WAC: variants seen among roughly 807,000 people sequenced by gnomAD.
The protein encoded by WAC is WW domain-containing adapter protein with coiled-coil.
In WAC, 11 loss-of-function variants were observed where a neutral mutation model predicts 79.6. The ratio of observed to expected loss-of-function variants is 0.14; its 90% CI spans 0.09 to 0.23. WAC has a LOEUF of 0.23. Among genes scored for constraint, WAC ranks in the 10% least tolerant of loss-of-function variants. The pLI, the probability that WAC is intolerant of heterozygous loss-of-function variation, is 1.00. For missense variants in WAC, 728 were observed against 773.5 expected, an observed-to-expected ratio of 0.94 and a Z score of 0.70; for synonymous variants, 304 against 276.9, an observed-to-expected ratio of 1.10 and a Z score of -0.97.
In WAC at chr10:28,537,901, G is replaced by C. The variant is rs149988187; in HGVS notation, c.274+2144G>C. Among the ~76,000 whole-genome samples, 7 of 152,130 alleles carry C rather than the reference G, an allele frequency of 4.6e-5. No individual in the cohort carries two copies. In the East Asian group the frequency reaches 1.2e-3, roughly 25 times the overall value. Reference sequence around the variant, plus strand: ...TTTGCAAGAAACTTGATGTTTTTCTGATCTAATCACTTGCTAAGTTAGGCC... The same window carrying C: ...TTTGCAAGAAACTTGATGTTTTTCTCATCTAATCACTTGCTAAGTTAGGCC... On this transcript the variant is annotated intron_variant, in intron 3 of 13. Transcript: ENST00000354911.
rs751091760 is a variant in WAC at position 28,533,987 on chromosome 10, C to G, written c.42-11C>G. The G allele has an allele frequency of 3.1e-6, 5 of 1,606,204 alleles. No homozygotes were observed. The highest frequency in any genetic ancestry group is 3.4e-6 in the Non-Finnish European group (4 of 1,176,540). ...TGTCTTATGTCGCTGCCTTCTCTTC[C>G]TGTTTTTCAGCTGTCACGACCGGAG... On this transcript the variant is annotated splice_polypyrimidine_tract_variant and intron_variant, in intron 1 of 13. Coordinates refer to ENST00000354911, the MANE Select transcript of WAC (RefSeq NM_016628.5).
intron 7 of WAC, among the ~76,000 whole-genome samples, chr10:28,596,380 GTC>G (rs1840365534): frequency 6.6e-6 from 1 of 151,908 alleles, no homozygotes; most frequent in Non-Finnish European, 1.5e-5. Context: ...TTTATAAATC[GTC>G]TCAGTTTTCT....
intron 3 of WAC, among the ~76,000 whole-genome samples, chr10:28,537,926 C>G (rs1243857805): frequency 6.6e-6 from 1 of 152,050 alleles, no homozygotes; most frequent in Non-Finnish European, 1.5e-5. Context: ...TAAGTTAGGC[C>G]CCACTTTCCA....
chr10:28,581,566 G>GTTTGT (rs1554785308), intron 3 of WAC, among the ~76,000 whole-genome samples: 1 of 151,724 alleles, frequency 6.6e-6, no homozygotes, highest in African/African-American at 2.4e-5. Context: ...TTGTTTGTTT[G>GTTTGT]TTTTTTGAGA....
chr10:28,595,624 A>G (rs1005506884), intron 6 of WAC, 109 bp from the exon 7 acceptor site: 40 of 1,071,994 alleles, frequency 3.7e-5, no homozygotes, highest in Non-Finnish European at 5.3e-5. Flanking sequence ...ATATGTAAGT[A>G]CAAGTATGTT....
Position 28,608,359 on chromosome 10 carries a change from C to G in WAC, c.1093C>G (p.Gln365Glu). ...PLLQDPNLLR[Q>E]LLPALQATLQ... ...ACTTCAGGACCCAAATCTTCTTAGA[C>G]AATTGCTTCCTGCTTTGCAAGCCAC... The change falls in exon 8 of 14, where the codon CAA becomes GAA. Residue 365 changes from glutamine to glutamate, a missense_variant. By Grantham distance (29) the Gln-to-Glu change is conservative. This residue lies in a region of WAC where 648 missense variants were observed against 661.5 expected (regional missense o/e 0.98). Coordinates refer to ENST00000354911, the MANE Select transcript of WAC (RefSeq NM_016628.5). 1 of 1,614,042 alleles carries G rather than the reference C, an allele frequency of 6.2e-7. No individual in the cohort carries two copies. The highest frequency in any genetic ancestry group is 8.5e-7 in the Non-Finnish European group (1 of 1,179,956).
At chr10:28,611,181 A>G in intron 9 of WAC, 1 of 987,248 alleles carries the variant, frequency 1.0e-6, no homozygotes, top group Non-Finnish European at 1.4e-6. Context: ...GAAGAGTTGA[A>G]GTTTGGTTCA....
intron 7 of WAC, among the ~76,000 whole-genome samples, chr10:28,597,315 A>G (rs1426646546): frequency 6.6e-6 from 1 of 152,228 alleles, no homozygotes. Context: ...TATATTTTCC[A>G]TAGGACATTT....
chr10:28,617,828 T>C (rs780814522), intron 13 of WAC, 44 bp downstream of exon 13: 10 of 1,537,976 alleles, frequency 6.5e-6, no homozygotes, highest in Non-Finnish European at 8.7e-6. Context: ...CTCAGGATTA[T>C]GATTCTTAAA....
intron 3 of WAC, among the ~76,000 whole-genome samples, chr10:28,556,573 C>A (rs941819893): frequency 4.6e-5 from 7 of 151,070 alleles, no homozygotes; most frequent in African/African-American, 1.5e-4. Context: ...GATATAGTCA[C>A]ACGTATTTTT....
intron 3 of WAC, among the ~76,000 whole-genome samples, chr10:28,575,082 C>G (rs1170900350): frequency 6.6e-6 from 1 of 152,116 alleles, no homozygotes; most frequent in Non-Finnish European, 1.5e-5. Context: ...ATATCTTCAA[C>G]TAATAGAGGA....
At chr10:28,538,073 C>G (rs1010083871) in intron 3 of WAC, among the ~76,000 whole-genome samples, 2 of 152,102 alleles carry the variant, frequency 1.3e-5, no homozygotes, top group Non-Finnish European at 2.9e-5. Flanking sequence ...TGAGGTATAT[C>G]TCCATTCTGG....
chr10:28,600,248 T>A, intron 7 of WAC, among the ~76,000 whole-genome samples: 1 of 151,994 alleles, frequency 6.6e-6, no homozygotes, highest in East Asian at 1.9e-4. Flanking sequence ...TGGTGCCATA[T>A]GTAAAGGGCA....
At chr10:28,603,319 G>GTGGCCCA (rs1315864723) in intron 7 of WAC, among the ~76,000 whole-genome samples, 2 of 152,200 alleles carry the variant, frequency 1.3e-5, no homozygotes, top group Non-Finnish European at 2.9e-5. Flanking sequence ...CATGTGGCCC[G>GTGGCCCA]TGGCCCATGG....
At chr10:28,609,064 A>AT (rs1253892920) in intron 8 of WAC, among the ~76,000 whole-genome samples, 1 of 152,240 alleles carries the variant, frequency 6.6e-6, no homozygotes, top group Non-Finnish European at 1.5e-5. Flanking sequence ...AACTATTCAG[A>AT]TTCACACGTT....
rs1191215945 is a variant in WAC at position 28,620,274 on chromosome 10, T to G, written c.*668T>G. Reference sequence around the variant, plus strand: ...AGGCACTGTTGCTATGGCACTTTTCTATAACCTTTTCATTCCTGTGTACAG... The same window carrying G: ...AGGCACTGTTGCTATGGCACTTTTCGATAACCTTTTCATTCCTGTGTACAG... On this transcript the variant is annotated 3_prime_UTR_variant, in exon 14 of 14. Coordinates refer to ENST00000354911, the MANE Select transcript of WAC (RefSeq NM_016628.5). 2.0e-5 allele frequency: 3 copies of G among 152,702 alleles called. No homozygotes were observed. The highest frequency in any genetic ancestry group is 6.5e-5 in the Admixed American group (1 of 15,284). 9.5% of individuals were successfully genotyped at this position (152,702 alleles called of 1,614,324 possible). A position where few individuals can be genotyped will look rare whatever the true frequency, so the allele number is the denominator to read the frequency against.
At position 28,595,902 on chromosome 10, in the gene WAC, A is replaced by T; in HGVS notation, c.780A>T (p.Pro260=). The change falls in exon 7 of 14, where the codon CCA becomes CCT. Residue 260 remains proline (P), a synonymous_variant. Coordinates refer to ENST00000354911, the MANE Select transcript of WAC (RefSeq NM_016628.5). ...IKPVVHPTAT[P]STVPSSPFTL... ...CAGTGGTTCATCCAACTGCTACCCCAAGCACTGTTCCTTCTAGTCCATTTA... is the reference window on the plus strand; with the variant it reads ...CAGTGGTTCATCCAACTGCTACCCCTAGCACTGTTCCTTCTAGTCCATTTA... 1 of 1,614,120 alleles carries T rather than the reference A, an allele frequency of 6.2e-7. No individual in the cohort carries two copies. Among genetic ancestry groups the T allele is most frequent in the African/African-American group, 1.3e-5 (1 of 75,050 alleles).
intron 3 of WAC, among the ~76,000 whole-genome samples, chr10:28,578,671 A>G (rs1564397633): frequency 6.6e-6 from 1 of 151,962 alleles, no homozygotes; most frequent in Admixed American, 6.6e-5. Context: ...GTATGTTTTG[A>G]TGAATTTTTT....
chr10:28,622,198 G>C lies in WAC; in HGVS notation c.*2592G>C, dbSNP rs1049347877. ...GGCCAGTAGTGAATTTTTAAACACAGAAAATCTAAAATTTTGTGGAAATAT... is the reference window on the plus strand; with the variant it reads ...GGCCAGTAGTGAATTTTTAAACACACAAAATCTAAAATTTTGTGGAAATAT... On this transcript the variant is annotated 3_prime_UTR_variant, in exon 14 of 14. Transcript: ENST00000354911. 3.3e-5 allele frequency: 5 copies of C among 152,082 alleles called. No homozygotes were observed. The highest frequency in any genetic ancestry group is 5.9e-5 in the Non-Finnish European group (4 of 68,000). 9.4% of individuals were successfully genotyped at this position (152,082 alleles called of 1,614,324 possible).
Sources: gnomAD v4.1 joint callset for allele counts (sites outside exome capture counted in the v4.1 genomes callset) on GRCh38, gnomAD v4.1.1 for gene constraint, gnomAD v4.1.1 regional missense constraint, MANE v1.5 for transcripts, NCBI Gene and HGNC (gene_info 2026-07-23, HGNC 2026-07-21) for gene names.